CFAP61: variants seen among roughly 807,000 people sequenced by gnomAD.
The protein encoded by CFAP61 is cilia- and flagella-associated protein 61.
In CFAP61, 107 loss-of-function variants were observed where a neutral mutation model predicts 135.6. The observed-to-expected ratio is 0.79, with a 90% CI of 0.67 to 0.93. The LOEUF (loss-of-function observed/expected upper bound fraction) is 0.93, where lower values mean the gene tolerates loss of function less well. CFAP61 is among the 40% of genes least tolerant of loss of function. CFAP61 has a pLI of 0.00. For synonymous variants in CFAP61, 575 were observed against 578.5 expected (o/e 0.99, Z 0.09); for missense variants, 1,507 against 1,556.2 (o/e 0.97, Z 0.53).
intron 8 of CFAP61, among the ~76,000 whole-genome samples, chr20:20,135,054 A>G (rs2050816307): frequency 6.6e-6 from 1 of 152,074 alleles, no homozygotes; most frequent in African/African-American, 2.4e-5. Flanking sequence ...GGTGCCCTAA[A>G]TGCTATCACA....
intron 6 of CFAP61, chr20:20,084,997 C>T (rs527312867): frequency 3.4e-5 from 15 of 440,918 alleles, no homozygotes; most frequent in African/African-American, 1.1e-4. Flanking sequence ...TAATTGATGA[C>T]GTTAACAAGC....
chr20:20,059,477 G>C (rs539235521), intron 2 of CFAP61, among the ~76,000 whole-genome samples: 76 of 150,650 alleles, frequency 5.0e-4, no homozygotes, highest in African/African-American at 1.8e-3. Context: ...AATTAGCCAG[G>C]AGTGGTGGCA....
At chr20:20,250,757 T>C (rs2146983429) in intron 19 of CFAP61, among the ~76,000 whole-genome samples, 1 of 152,336 alleles carries the variant, frequency 6.6e-6, no homozygotes, top group East Asian at 1.9e-4. Context: ...CTGAGGTCAA[T>C]CCTTTCAGAA....
intron 13 of CFAP61, among the ~76,000 whole-genome samples, chr20:20,182,351 T>C (rs2055168968): frequency 6.6e-6 from 1 of 152,238 alleles, no homozygotes; most frequent in Non-Finnish European, 1.5e-5. Flanking sequence ...TTAAAGTCAT[T>C]GTATTTTTCA....
At chr20:20,068,437 G>A (rs1466758622) in intron 2 of CFAP61, among the ~76,000 whole-genome samples, 3 of 152,276 alleles carry the variant, frequency 2.0e-5, no homozygotes, top group African/African-American at 7.2e-5. Flanking sequence ...GTGCTAAAGA[G>A]CCCTGTGTGG....
chr20:20,056,688 A>T lies in CFAP61; in HGVS notation c.35A>T (p.Glu12Val). 6.2e-7 allele frequency: 1 copy of T among 1,614,132 alleles called. No homozygotes were observed. The highest frequency in any genetic ancestry group is 8.5e-7 in the Non-Finnish European group (1 of 1,179,984). The change falls in exon 2 of 27, where the codon GAA becomes GTA. Residue 12 changes from glutamate (E) to valine (V), a missense_variant. Transcript: ENST00000245957. ...SVLTSPRGKVEVVHCRRTESQ... is the reference protein window; with the variant it reads ...SVLTSPRGKVVVVHCRRTESQ... ...CTCACTTCTCCAAGAGGAAAGGTAG[A>T]AGTTGTTCATTGCCGAAGAACAGAA... is the stretch of plus-strand genomic sequence containing the variant.
At chr20:20,062,556 A>G (rs2044884837) in intron 2 of CFAP61, among the ~76,000 whole-genome samples, 1 of 152,236 alleles carries the variant, frequency 6.6e-6, no homozygotes, top group South Asian at 2.1e-4. Flanking sequence ...GGTAGAGGAT[A>G]AACAAAGCCA....
At chr20:20,145,772 A>G (rs751538644) in intron 9 of CFAP61, among the ~76,000 whole-genome samples, 1 of 152,246 alleles carries the variant, frequency 6.6e-6, no homozygotes, top group Admixed American at 6.5e-5. Context: ...ACAGAATACT[A>G]TAAGAGATAA....
intron 8 of CFAP61, among the ~76,000 whole-genome samples, chr20:20,142,053 G>C (rs2051444817): frequency 6.6e-6 from 1 of 152,184 alleles, no homozygotes; most frequent in African/African-American, 2.4e-5. Context: ...AGGCACAAAG[G>C]AGAGGACATC....
At chr20:20,208,888 C>G (rs536352686) in intron 17 of CFAP61, among the ~76,000 whole-genome samples, 1 of 152,326 alleles carries the variant, frequency 6.6e-6, no homozygotes, top group East Asian at 1.9e-4. Flanking sequence ...CAAACCCTTT[C>G]TGTGACTTAA....
rs116583225 is a variant in CFAP61, at chr20:20,227,431, A to G, written c.1933-818A>G. Among the ~76,000 whole-genome samples, 349 of 152,358 alleles carry G rather than the reference A, an allele frequency of 2.3e-3. 2 individuals are homozygous for G. Among genetic ancestry groups the G allele is most frequent in the African/African-American group, 8.0e-3 (334 of 41,592 alleles). On this transcript the variant is annotated intron_variant, in intron 17 of 26. Coordinates refer to ENST00000245957, the MANE Select transcript of CFAP61 (RefSeq NM_015585.4). ...CAAAAAATGTGTGTTGAATCAATGG[A>G]TTAAAAATAGAACCAAGATCTTTTG... is the stretch of plus-strand genomic sequence containing the variant.
At chr20:20,320,933 G>A (rs2057481320) in intron 25 of CFAP61, among the ~76,000 whole-genome samples, 1 of 151,506 alleles carries the variant, frequency 6.6e-6, no homozygotes, top group Non-Finnish European at 1.5e-5. Context: ...TATTTGAAAT[G>A]TTTACATGGA....
intron 16 of CFAP61, 147 bp from the exon 17 acceptor site, chr20:20,199,621 A>G (rs1361091348): frequency 1.4e-6 from 1 of 736,028 alleles, no homozygotes; most frequent in African/African-American, 1.8e-5. Flanking sequence ...CTCTGCTCGA[A>G]GAGTATGTTT....
At chr20:20,346,510 C>T (rs1257760173) in intron 26 of CFAP61, among the ~76,000 whole-genome samples, 2 of 78,018 alleles carry the variant, frequency 2.6e-5, no homozygotes, top group African/African-American at 5.3e-5. Flanking sequence ...AAGAGCAAAA[C>T]TCCGTCTCAA....
At chr20:20,138,949 A>T (rs955546189) in intron 8 of CFAP61, among the ~76,000 whole-genome samples, 4 of 152,108 alleles carry the variant, frequency 2.6e-5, no homozygotes, top group Non-Finnish European at 5.9e-5. Flanking sequence ...CTATGTCTTT[A>T]TAATGTCTTA....
At chr20:20,216,347 A>C (rs1351627552) in intron 17 of CFAP61, among the ~76,000 whole-genome samples, 1 of 152,208 alleles carries the variant, frequency 6.6e-6, no homozygotes, top group Non-Finnish European at 1.5e-5. Flanking sequence ...TTACAGTGCA[A>C]TATGCTTGCC....
chr20:20,098,498 TCTGC>T (rs2047750518), intron 7 of CFAP61, among the ~76,000 whole-genome samples, 153 bp from the exon 8 acceptor site: 1 of 149,756 alleles, frequency 6.7e-6, no homozygotes, highest in African/African-American at 2.5e-5. Flanking sequence ...CAGTCCCAGC[TCTGC>T]GGGAGGCTGG....
At chr20:20,091,919 T>C (rs2047230888) in intron 7 of CFAP61, among the ~76,000 whole-genome samples, 1 of 152,154 alleles carries the variant, frequency 6.6e-6, no homozygotes, top group Admixed American at 6.5e-5. Flanking sequence ...TGACCTCAGG[T>C]GATCCGCCCG....
chr20:20,134,774 G>T (rs2050791792), intron 8 of CFAP61, among the ~76,000 whole-genome samples: 2 of 152,166 alleles, frequency 1.3e-5, no homozygotes, highest in Non-Finnish European at 2.9e-5. Flanking sequence ...TAATAAGAGT[G>T]AATGGATTAT....
Sources: allele counts gnomAD v4.1 joint callset (sites outside exome capture counted in the v4.1 genomes callset), GRCh38; gene constraint gnomAD v4.1.1; transcripts MANE v1.5; gene names NCBI Gene and HGNC (gene_info 2026-07-23, HGNC 2026-07-21).